Variants in FANCB observed in about 807,000 individuals in gnomAD.
FANCB encodes FA complementation group B, also known as Fanconi anemia group B protein.
A neutral mutation model predicts 38.9 loss-of-function variants in FANCB; 5 were observed. That is an observed-to-expected ratio of 0.13 (90% CI 0.07 to 0.27). The LOEUF is 0.27. FANCB is among the 10% of genes least tolerant of loss of function. FANCB has a pLI of 1.00. For synonymous variants in FANCB, 236 were observed against 215.4 expected (o/e 1.10, Z -0.84); for missense variants, 573 against 602.7 (o/e 0.95, Z 0.52).
chrX:14,804,182 C>T, the FANCB span, among the ~76,000 whole-genome samples: 1 of 111,885 alleles, frequency 8.9e-6, no homozygotes, highest in East Asian at 2.8e-4. Flanking sequence ...GACACATGCA[C>T]ACATATGTTT....
At chrX:14,817,958 C>A in the FANCB span, among the ~76,000 whole-genome samples, 11 of 111,770 alleles carry the variant, frequency 9.8e-5, no homozygotes, top group Non-Finnish European at 2.1e-4. Flanking sequence ...TGCTGCACAT[C>A]TGCACAAACA....
the FANCB span, among the ~76,000 whole-genome samples, chrX:14,804,959 CTG>C: frequency 8.9e-6 from 1 of 112,252 alleles, no homozygotes; most frequent in African/African-American, 3.2e-5. Context: ...AAATCAAAGG[CTG>C]TAGTTTGGCA....
chrX:14,822,431 A>T, the FANCB span, among the ~76,000 whole-genome samples: 1 of 109,443 alleles, frequency 9.1e-6, no homozygotes, highest in African/African-American at 3.3e-5. Flanking sequence ...CTGCCCTCAC[A>T]ACTGGCAGCT....
the FANCB span, among the ~76,000 whole-genome samples, chrX:14,809,843 C>T: frequency 5.3e-5 from 6 of 112,380 alleles, no homozygotes; most frequent in African/African-American, 9.7e-5. Flanking sequence ...TCTCCCAGCA[C>T]GCAGCTGGAG....
chrX:14,855,539 A>G (rs1170814731), intron 5 of FANCB, among the ~76,000 whole-genome samples: 2 of 111,657 alleles, frequency 1.8e-5, no homozygotes, highest in Non-Finnish European at 3.8e-5. Flanking sequence ...TTTTTCTCAT[A>G]TATTCGGGGT....
intron 7 of FANCB, among the ~76,000 whole-genome samples, chrX:14,848,312 G>A: frequency 8.9e-6 from 1 of 112,064 alleles, no homozygotes; most frequent in South Asian, 3.7e-4. Flanking sequence ...GTGCAGTCAG[G>A]GAGGTTTCAC....
the FANCB span, among the ~76,000 whole-genome samples, chrX:14,704,322 T>C: frequency 1.8e-5 from 2 of 112,666 alleles, no homozygotes; most frequent in African/African-American, 6.4e-5. Flanking sequence ...TTGAACCTTC[T>C]TCTTTCACTA....
the FANCB span, among the ~76,000 whole-genome samples, chrX:14,733,977 ATT>A: frequency 8.9e-6 from 1 of 112,461 alleles, no homozygotes; most frequent in Non-Finnish European, 1.9e-5. Flanking sequence ...AGTATTAAGT[ATT>A]TTAATATTCT....
chrX:14,835,062 A>C (rs2092337644), downstream of FANCB: 10 of 564,524 alleles, frequency 1.8e-5, no homozygotes, highest in Non-Finnish European at 1.2e-5. Context: ...CCCAAGGGAA[A>C]GCTTTGGCTG....
chrX:14,834,891 A>G, downstream of FANCB: 1 of 674,159 alleles, frequency 1.5e-6, no homozygotes, highest in Admixed American at 2.3e-5. Context: ...ACTTCCAGGG[A>G]CCAACTGCTT....
the FANCB span, among the ~76,000 whole-genome samples, chrX:14,772,644 T>C: frequency 2.7e-5 from 3 of 112,027 alleles, no homozygotes; most frequent in Non-Finnish European, 5.6e-5. Flanking sequence ...CCTGGCTCCC[T>C]GGATTCAGTC....
At chrX:14,854,121 T>G (rs1054834539) in intron 5 of FANCB, among the ~76,000 whole-genome samples, 1 of 111,969 alleles carries the variant, frequency 8.9e-6, no homozygotes, top group African/African-American at 3.2e-5. Flanking sequence ...GCACAAAGTA[T>G]GTAAAGTGTC....
chrX:14,813,875 C>G, the FANCB span, among the ~76,000 whole-genome samples: 1 of 111,644 alleles, frequency 9.0e-6, no homozygotes, highest in Middle Eastern at 4.6e-3. Context: ...CAAGACAATC[C>G]TAAGCCAAAA....
At chrX:14,709,781 A>G in the FANCB span, among the ~76,000 whole-genome samples, 3,038 of 111,581 alleles carry the variant, frequency 0.027, 101 homozygotes, top group African/African-American at 0.094. Context: ...TGCTGCTTTG[A>G]ATGTCCTTGA....
chrX:14,806,708 G>T, the FANCB span, among the ~76,000 whole-genome samples: 14 of 112,057 alleles, frequency 1.2e-4, no homozygotes, highest in Non-Finnish European at 7.5e-5. Flanking sequence ...GGAATTTCCA[G>T]TTATAGTTAT....
the FANCB span, among the ~76,000 whole-genome samples, chrX:14,773,475 G>A: frequency 2.7e-5 from 3 of 111,393 alleles, no homozygotes; most frequent in Non-Finnish European, 5.6e-5. Flanking sequence ...CAAGGCAAAG[G>A]TATAGTCATA....
the FANCB span, among the ~76,000 whole-genome samples, chrX:14,820,336 C>T: frequency 4.5e-5 from 5 of 111,758 alleles, no homozygotes; most frequent in Admixed American, 9.5e-5. Flanking sequence ...CCTTATGTTA[C>T]AGTTGAAACC....
At chrX:14,869,919 T>C (rs1181030609) in intron 1 of FANCB, among the ~76,000 whole-genome samples, 1 of 112,208 alleles carries the variant, frequency 8.9e-6, no homozygotes, top group African/African-American at 3.2e-5. Context: ...TAAATGACTA[T>C]TTATGACTAT....
At chrX:14,819,977 A>C in the FANCB span, among the ~76,000 whole-genome samples, 1 of 111,352 alleles carries the variant, frequency 9.0e-6, no homozygotes, top group Non-Finnish European at 1.9e-5. Flanking sequence ...GTTTAAAACA[A>C]GTCAGAGGCT....
Sources: gnomAD v4.1 joint callset for allele counts (sites outside exome capture counted in the v4.1 genomes callset) on GRCh38, gnomAD v4.1.1 for gene constraint, MANE v1.5 for transcripts, NCBI Gene and HGNC (gene_info 2026-07-23, HGNC 2026-07-21) for gene names.